The following SPATA17 variants were observed in gnomAD, a reference collection of about 807,000 sequenced individuals.
SPATA17 encodes spermatogenesis-associated protein 17.
In SPATA17, 53 loss-of-function variants were observed where a neutral mutation model predicts 62.2. The observed-to-expected ratio is 0.85, with a 90% CI of 0.68 to 1.07. The LOEUF (loss-of-function observed/expected upper bound fraction) is 1.07. Ranked by LOEUF, SPATA17 falls within the 50% of genes least tolerant of loss-of-function variation. The probability of loss-of-function intolerance (pLI) is 0.00; values close to 1 mark genes in which losing one functional copy is unlikely to be tolerated. For synonymous variants in SPATA17, 146 were observed against 146.8 expected (o/e 0.99, Z 0.04); for missense variants, 466 against 425.5 (o/e 1.10, Z -0.84).
intron 1 of SPATA17, among the ~76,000 whole-genome samples, chr1:217,632,522 T>C (rs1344460947): frequency 6.6e-6 from 1 of 152,222 alleles, no homozygotes; most frequent in African/African-American, 2.4e-5. Flanking sequence ...TACTACATCA[T>C]TATTTCACAA....
chr1:217,767,833 C>T (rs568079569), intron 6 of SPATA17, among the ~76,000 whole-genome samples: 15 of 152,242 alleles, frequency 9.9e-5, no homozygotes, highest in South Asian at 8.3e-4. Flanking sequence ...CTGCCATATC[C>T]GAGACTCGTT....
intron 9 of SPATA17, among the ~76,000 whole-genome samples, chr1:217,853,846 A>G (rs987657812): frequency 6.6e-6 from 1 of 152,182 alleles, no homozygotes; most frequent in South Asian, 2.1e-4. Context: ...TCTAGCATGT[A>G]TGTTCTCTAC....
intron 5 of SPATA17, among the ~76,000 whole-genome samples, chr1:217,712,485 T>C (rs1036439194): frequency 3.2e-4 from 48 of 152,240 alleles, no homozygotes; most frequent in East Asian, 5.8e-4. Context: ...CTTTTCTTTA[T>C]CCTTCATGAG....
intron 6 of SPATA17, among the ~76,000 whole-genome samples, chr1:217,748,567 A>AC (rs879365339): frequency 1.3e-5 from 2 of 151,424 alleles, no homozygotes; most frequent in Admixed American, 1.3e-4. Flanking sequence ...ACATGGTGAA[A>AC]CCCCGTCTCT....
At chr1:217,661,695 C>T (rs1303672274) in intron 3 of SPATA17, among the ~76,000 whole-genome samples, 2 of 152,130 alleles carry the variant, frequency 1.3e-5, no homozygotes, top group African/African-American at 4.8e-5. Context: ...CTTAGGGGTA[C>T]AGAACTGTTG....
chr1:217,815,392 T>C (rs1170576236), intron 9 of SPATA17, among the ~76,000 whole-genome samples: 1 of 152,194 alleles, frequency 6.6e-6, no homozygotes, highest in East Asian at 1.9e-4. Flanking sequence ...TGGATATTTA[T>C]GTGTACTTCT....
At chr1:217,775,926 A>AT (rs1392660537) in intron 7 of SPATA17, among the ~76,000 whole-genome samples, 16 of 152,214 alleles carry the variant, frequency 1.1e-4, no homozygotes, top group South Asian at 1.0e-3. Context: ...TAGAATCTAG[A>AT]TTTTTTATGT....
intron 1 of SPATA17, among the ~76,000 whole-genome samples, chr1:217,644,275 C>G (rs879701808): frequency 1.3e-5 from 2 of 152,172 alleles, no homozygotes; most frequent in Non-Finnish European, 2.9e-5. Flanking sequence ...TATTTCTCAT[C>G]ATCAAGCGTC....
rs557316795 is a variant in SPATA17 at position 217,825,126 on chromosome 1, A to G, written c.1005+23276A>G. Among the ~76,000 whole-genome samples, 8 of 151,572 alleles carry G rather than the reference A, an allele frequency of 5.3e-5. No individual in the cohort carries two copies. In the South Asian group the frequency reaches 1.7e-3, roughly 31 times the overall value. Reference sequence around the variant, plus strand: ...ATTCCTAAAATATACAAAACAAACTATTATTTAGGAATAAAAACATATGCA... The same window carrying G: ...ATTCCTAAAATATACAAAACAAACTGTTATTTAGGAATAAAAACATATGCA... On this transcript the variant is annotated intron_variant, in intron 9 of 10. Transcript: ENST00000366933.
intron 3 of SPATA17, among the ~76,000 whole-genome samples, chr1:217,652,126 T>C (rs1316501508): frequency 1.3e-5 from 2 of 152,222 alleles, no homozygotes; most frequent in South Asian, 2.1e-4. Flanking sequence ...AGCACTTATA[T>C]AGATGAATAG....
At chr1:217,767,856 T>G (rs796449194) in intron 6 of SPATA17, among the ~76,000 whole-genome samples, 7 of 152,310 alleles carry the variant, frequency 4.6e-5, no homozygotes, top group African/African-American at 1.7e-4. Flanking sequence ...GATGCCTGAT[T>G]TGTCTCTTTA....
intron 3 of SPATA17, among the ~76,000 whole-genome samples, chr1:217,658,618 C>T (rs1053330655): frequency 3.3e-5 from 5 of 151,856 alleles, no homozygotes; most frequent in East Asian, 1.9e-4. Context: ...ATTAGCAGGG[C>T]GTGGTGGCAG....
At chr1:217,677,383 C>T (rs1670970492) in intron 4 of SPATA17, among the ~76,000 whole-genome samples, 1 of 151,822 alleles carries the variant, frequency 6.6e-6, no homozygotes, top group Non-Finnish European at 1.5e-5. Context: ...CCTTAAAGTA[C>T]TTACCATACT....
intron 9 of SPATA17, among the ~76,000 whole-genome samples, chr1:217,829,630 A>AAG: frequency 1.1e-5 from 1 of 92,278 alleles, no homozygotes; most frequent in Non-Finnish European, 2.8e-5. Context: ...TCCATCTCAA[A>AAG]AAAAAAAAAA....
At chr1:217,655,824 C>T (rs1386946231) in intron 3 of SPATA17, among the ~76,000 whole-genome samples, 1 of 152,108 alleles carries the variant, frequency 6.6e-6, no homozygotes, top group Non-Finnish European at 1.5e-5. Context: ...TTGATAGAAT[C>T]ATATTACTTA....
At chr1:217,669,379 T>A (rs1427602134) in intron 4 of SPATA17, among the ~76,000 whole-genome samples, 2 of 152,178 alleles carry the variant, frequency 1.3e-5, no homozygotes, top group African/African-American at 4.8e-5. Context: ...TTTCCATATA[T>A]CATATAGAAT....
In SPATA17 at chr1:217,834,035, G is replaced by A. The variant is rs1455336630; in HGVS notation, c.1006-28739G>A. Among the ~76,000 whole-genome samples, 13 of 152,034 alleles carry A rather than the reference G, an allele frequency of 8.6e-5. 1 individual carries two copies. The highest frequency in any genetic ancestry group is 1.3e-4 in the Non-Finnish European group (9 of 67,998). On this transcript the variant is annotated intron_variant, in intron 9 of 10. Transcript: ENST00000366933. ...CTAAAGTTAAGAAATATTGTCACCC[G>A]CCACATAATGACGTTTCAGTCAACA... is the stretch of plus-strand genomic sequence containing the variant.
chr1:217,752,802 C>T (rs1470742957), intron 6 of SPATA17, among the ~76,000 whole-genome samples: 1 of 152,142 alleles, frequency 6.6e-6, no homozygotes, highest in Admixed American at 6.5e-5. Context: ...TGATGAGGCA[C>T]TTTAGGATGT....
chr1:217,651,077 G>A lies in SPATA17; in HGVS notation c.159-20G>A, dbSNP rs894111455. On this transcript the variant is annotated intron_variant, in intron 2 of 10. Transcript: ENST00000366933. ...TGTTTCAATGAAAGGATACTAATAA[G>A]CATATTTTTTTTATCCTAGGCATTT... 3.2e-6 allele frequency: 5 copies of A among 1,542,770 alleles called. No individual in the cohort carries two copies. The highest frequency in any genetic ancestry group is 1.4e-5 in the African/African-American group (1 of 73,196).
Sources: gnomAD v4.1 joint callset for allele counts (sites outside exome capture counted in the v4.1 genomes callset) on GRCh38, gnomAD v4.1.1 for gene constraint, MANE v1.5 for transcripts, NCBI Gene and HGNC (gene_info 2026-07-23, HGNC 2026-07-21) for gene names.